ENTREP2: variants seen among roughly 807,000 people sequenced by gnomAD.
The protein encoded by ENTREP2 is endosomal transmembrane epsin interactor 2.
At chr15:29,119,606 AAAATT>A in the ENTREP2 span, among the ~76,000 whole-genome samples, 3 of 11,682 alleles carry the variant, frequency 2.6e-4, 1 homozygote, top group Non-Finnish European at 1.9e-3. Context: ...TAATAAAAAA[AAAATT>A]AAAAATAAAT....
the ENTREP2 span, among the ~76,000 whole-genome samples, chr15:29,357,586 C>T: frequency 6.6e-6 from 1 of 152,088 alleles, no homozygotes; most frequent in Non-Finnish European, 1.5e-5. Flanking sequence ...GCCTGTAATC[C>T]CAGCACTTTG....
the ENTREP2 span, chr15:29,611,050 A>C: frequency 6.6e-6 from 1 of 152,230 alleles, no homozygotes; most frequent in Non-Finnish European, 1.5e-5. Context: ...GTATTTTCAA[A>C]AATTGCTCCC....
chr15:29,119,366 G>A, the ENTREP2 span, among the ~76,000 whole-genome samples: 2 of 10,100 alleles, frequency 2.0e-4, no homozygotes, highest in African/African-American at 2.6e-4. Flanking sequence ...ACCAAACACC[G>A]CATATTCTCA....
the ENTREP2 span, among the ~76,000 whole-genome samples, chr15:29,673,481 C>T: frequency 6.6e-6 from 1 of 152,050 alleles, no homozygotes; most frequent in Non-Finnish European, 1.5e-5. Context: ...GGGTAGAGGC[C>T]ACAGGATCCC....
chr15:29,492,407 C>T, the ENTREP2 span, among the ~76,000 whole-genome samples: 6,686 of 152,208 alleles, frequency 0.044, 450 homozygotes, highest in African/African-American at 0.15. Flanking sequence ...ATTATGATTA[C>T]GATATCATGT....
At chr15:29,561,483 C>G in the ENTREP2 span, among the ~76,000 whole-genome samples, 4 of 151,936 alleles carry the variant, frequency 2.6e-5, no homozygotes, top group Non-Finnish European at 5.9e-5. Context: ...GTCAGGAGAT[C>G]GAGACCATCT....
chr15:29,139,509 C>T, the ENTREP2 span, among the ~76,000 whole-genome samples: 3 of 152,176 alleles, frequency 2.0e-5, no homozygotes, highest in African/African-American at 7.2e-5. Context: ...GAAAAAATAT[C>T]AATGACATAC....
chr15:29,585,557 T>C, the ENTREP2 span, among the ~76,000 whole-genome samples: 1 of 152,088 alleles, frequency 6.6e-6, no homozygotes, highest in Non-Finnish European at 1.5e-5. Flanking sequence ...CAGTGGAACA[T>C]AAAACGGCAC....
At chr15:29,129,347 T>C in the ENTREP2 span, among the ~76,000 whole-genome samples, 1 of 152,216 alleles carries the variant, frequency 6.6e-6, no homozygotes, top group Non-Finnish European at 1.5e-5. Flanking sequence ...TTACAAGGTG[T>C]GAGCCACCGC....
the ENTREP2 span, among the ~76,000 whole-genome samples, chr15:29,142,803 C>T: frequency 6.6e-6 from 1 of 151,202 alleles, no homozygotes; most frequent in African/African-American, 2.4e-5. Context: ...CAGCAGCTGG[C>T]GAGGAAGTAA....
the ENTREP2 span, chr15:29,613,298 A>C: frequency 1.0e-5 from 2 of 199,034 alleles, no homozygotes; most frequent in African/African-American, 4.8e-5. Flanking sequence ...AGATCTGCAG[A>C]CCAGACCACT....
At chr15:29,131,034 C>T in the ENTREP2 span, among the ~76,000 whole-genome samples, 1 of 152,278 alleles carries the variant, frequency 6.6e-6, no homozygotes, top group South Asian at 2.1e-4. Flanking sequence ...TCTGAACAGT[C>T]ATCGTAACTG....
the ENTREP2 span, among the ~76,000 whole-genome samples, chr15:29,190,983 C>T: frequency 2.4e-4 from 37 of 152,212 alleles, no homozygotes; most frequent in African/African-American, 7.7e-4. Context: ...CCTGGATATC[C>T]GTGCAAAAGA....
the ENTREP2 span, chr15:29,614,312 G>A: frequency 1.3e-5 from 2 of 152,518 alleles, no homozygotes; most frequent in African/African-American, 2.4e-5. Flanking sequence ...AGGACTCAGT[G>A]AGGAAGCCCA....
the ENTREP2 span, among the ~76,000 whole-genome samples, chr15:29,387,412 G>A: frequency 1.3e-5 from 2 of 152,116 alleles, no homozygotes; most frequent in East Asian, 3.9e-4. Flanking sequence ...CAACTTACAA[G>A]GGATGTGAAG....
At chr15:29,482,446 T>C in the ENTREP2 span, among the ~76,000 whole-genome samples, 416 of 152,296 alleles carry the variant, frequency 2.7e-3, 2 homozygotes, top group African/African-American at 8.9e-3. Context: ...GTATCCACCA[T>C]TGTAGTATCT....
chr15:29,454,062 C>G, the ENTREP2 span, among the ~76,000 whole-genome samples: 1 of 152,160 alleles, frequency 6.6e-6, no homozygotes, highest in African/African-American at 2.4e-5. Flanking sequence ...CATCACTTGA[C>G]ATTTCCTCCA....
the ENTREP2 span, among the ~76,000 whole-genome samples, chr15:29,280,603 T>A: frequency 6.6e-6 from 1 of 152,092 alleles, no homozygotes; most frequent in African/African-American, 2.4e-5. Context: ...AGCACCTGGG[T>A]TATGAAAGAC....
the ENTREP2 span, among the ~76,000 whole-genome samples, chr15:29,352,386 G>T: frequency 6.6e-6 from 1 of 152,306 alleles, no homozygotes; most frequent in African/African-American, 2.4e-5. Context: ...ATAGCCACAA[G>T]CACATTACAC....
Sources: allele counts gnomAD v4.1 joint callset (sites outside exome capture counted in the v4.1 genomes callset), GRCh38; gene constraint gnomAD v4.1.1; transcripts MANE v1.5; gene names NCBI Gene and HGNC (gene_info 2026-07-23, HGNC 2026-07-21).